The following SLC12A7 variants were observed in gnomAD, a reference collection of about 807,000 sequenced individuals.
SLC12A7 encodes the protein K-Cl cotransporter 4.
Under a neutral mutation model 120.6 loss-of-function variants are expected in SLC12A7, and 100 were observed. The ratio of observed to expected loss-of-function variants is 0.83; its 90% CI spans 0.71 to 0.98. SLC12A7 has a LOEUF of 0.98. Among genes scored for constraint, SLC12A7 ranks in the 50% least tolerant of loss-of-function variants. The pLI is 0.00. For missense variants in SLC12A7, 1,373 were observed against 1,548.1 expected (o/e 0.89, Z 1.90); for synonymous variants, 760 against 678.0 (o/e 1.12, Z -1.88).
At position 1,052,004 on chromosome 5, in the gene SLC12A7, C is replaced by A. The variant is rs963779982; in HGVS notation, c.*356G>T. The A allele has an allele frequency of 5.8e-5, 18 of 307,934 alleles. 1 individual carries two copies. The highest frequency in any genetic ancestry group is 6.0e-5 in the Non-Finnish European group (10 of 166,106). 19.1% of individuals were successfully genotyped at this position (307,934 alleles called of 1,614,324 possible). A position where few individuals can be genotyped will look rare whatever the true frequency, so the allele number is the denominator to read the frequency against. ...TGGATGGGGTAGAAATGCAACCTAA[C>A]CACTGGGTAAATCCAGCCAAGGAAA... On this transcript the variant is annotated 3_prime_UTR_variant, in exon 24 of 24. Coordinates refer to ENST00000264930, the MANE Select transcript of SLC12A7 (RefSeq NM_006598.3).
chr5:1,057,184 A>C, intron 22 of SLC12A7: 1 of 402,030 alleles, frequency 2.5e-6, no homozygotes, highest in Non-Finnish European at 4.4e-6. Flanking sequence ...AGCGCTTGGC[A>C]CTAGAAGGAC....
chr5:1,150,804 G>A, the SLC12A7 span, among the ~76,000 whole-genome samples: 6 of 152,230 alleles, frequency 3.9e-5, no homozygotes, highest in East Asian at 3.9e-4. Flanking sequence ...AGCCTGCCCC[G>A]TGGGGCTGGC....
chr5:1,052,347 A>C lies in SLC12A7; in HGVS notation c.*13T>G. On this transcript the variant is annotated 3_prime_UTR_variant, in exon 24 of 24. Coordinates refer to ENST00000264930, the MANE Select transcript of SLC12A7 (RefSeq NM_006598.3). ...TCCGTGCCTGTCCCAGAGTGCCGTG[A>C]TGCTGTTGGGCATTAGGAGTAGATG... 1.2e-6 allele frequency: 2 copies of C among 1,609,718 alleles called. No homozygotes were observed. The highest frequency in any genetic ancestry group is 3.3e-5 in the Admixed American group (2 of 60,000).
At chr5:1,099,874 G>A (rs1371649326) in intron 1 of SLC12A7, among the ~76,000 whole-genome samples, 1 of 152,224 alleles carries the variant, frequency 6.6e-6, no homozygotes, top group Non-Finnish European at 1.5e-5. Flanking sequence ...CCTCCGGCGG[G>A]TGTACGGGGC....
At chr5:1,080,468 C>T (rs1026540619) in intron 9 of SLC12A7, among the ~76,000 whole-genome samples, 1 of 152,240 alleles carries the variant, frequency 6.6e-6, no homozygotes, top group African/African-American at 2.4e-5. Context: ...GAGAAGCCAG[C>T]GCTGTGGCCA....
the SLC12A7 span, among the ~76,000 whole-genome samples, chr5:1,127,613 ACT>A: frequency 6.6e-6 from 1 of 152,350 alleles, no homozygotes; most frequent in South Asian, 2.1e-4. Context: ...ACCACAGATA[ACT>A]CTGTGATAAC....
In SLC12A7 at chr5:1,057,500, A is replaced by G. The variant is rs2241606; in HGVS notation, c.2997T>C (p.Ser999=). 1,022,150 of 1,612,428 alleles carry G rather than the reference A, an allele frequency of 0.63. 329,914 individuals are homozygous for G. Among genetic ancestry groups the G allele is most frequent in the Non-Finnish European group, 0.66 (781,622 of 1,179,630 alleles). ...EKYRSRDTSL[S]GFKDLFSMKP... The stretch of plus-strand genomic sequence containing the variant: ...TCATGCTGAAGAGGTCTTTGAAACC[A>G]GATAGGCTGGTGTCTCTGCTCCTGT... Residue 999 remains serine (S), a synonymous_variant, in exon 22 of 24, where the codon TCT becomes TCC. Transcript: ENST00000264930.
At chr5:1,124,341 G>A in the SLC12A7 span, among the ~76,000 whole-genome samples, 3 of 152,208 alleles carry the variant, frequency 2.0e-5, no homozygotes, top group Non-Finnish European at 2.9e-5. Context: ...CAGCTCCAGC[G>A]CCTGGTCATG....
chr5:1,061,861 C>T (rs1022624269), intron 20 of SLC12A7, among the ~76,000 whole-genome samples: 3 of 152,034 alleles, frequency 2.0e-5, no homozygotes, highest in African/African-American at 7.3e-5. Flanking sequence ...ACTCAGGAGG[C>T]TGAGGCAGGA....
At chr5:1,146,794 C>T in the SLC12A7 span, among the ~76,000 whole-genome samples, 4 of 152,308 alleles carry the variant, frequency 2.6e-5, no homozygotes, top group South Asian at 8.3e-4. This position sits in a 1 kb window ranked among gnomAD's most constrained non-coding sequence, Gnocchi z 6.5. Context: ...GATAGTAACT[C>T]CCAAACAATT....
chr5:1,123,126 C>T, the SLC12A7 span, among the ~76,000 whole-genome samples: 4 of 152,208 alleles, frequency 2.6e-5, no homozygotes, highest in Admixed American at 6.5e-5. Context: ...AGGGCACGCT[C>T]GGGCTCCCGG....
At chr5:1,130,458 C>T in the SLC12A7 span, among the ~76,000 whole-genome samples, 1 of 152,158 alleles carries the variant, frequency 6.6e-6, no homozygotes, top group Non-Finnish European at 1.5e-5. Context: ...CCGCCCCCAC[C>T]CCACCCCAGG....
the SLC12A7 span, among the ~76,000 whole-genome samples, chr5:1,138,158 G>A: frequency 6.6e-5 from 10 of 152,108 alleles, no homozygotes; most frequent in Non-Finnish European, 1.3e-4. Flanking sequence ...GACCCAAAGA[G>A]TGAGCAGCAG....
At chr5:1,134,128 TC>T in the SLC12A7 span, among the ~76,000 whole-genome samples, 4 of 152,182 alleles carry the variant, frequency 2.6e-5, no homozygotes, top group African/African-American at 4.8e-5. Context: ...TGGGTGGCTC[TC>T]CCAGCTCCAG....
intron 6 of SLC12A7, 53 bp from the exon 7 acceptor site, chr5:1,085,526 C>G: frequency 2.0e-6 from 3 of 1,512,706 alleles, no homozygotes; most frequent in East Asian, 4.9e-5. Context: ...CTCCCCAGTG[C>G]CCGTCCCTCC....
At chr5:1,144,925 G>T in the SLC12A7 span, among the ~76,000 whole-genome samples, 2 of 152,258 alleles carry the variant, frequency 1.3e-5, no homozygotes, top group African/African-American at 2.4e-5. Context: ...TGGCTGATTC[G>T]GAACGTCCTG....
chr5:1,079,629 C>T (rs1411639075), intron 9 of SLC12A7, 133 bp from the exon 10 acceptor site: 2 of 712,632 alleles, frequency 2.8e-6, no homozygotes, highest in East Asian at 2.5e-5. Flanking sequence ...GGCTGCAGTC[C>T]AAGCTCCGCC....
At chr5:1,085,630 G>A (rs1219264500) in intron 6 of SLC12A7, among the ~76,000 whole-genome samples, 157 bp from the exon 7 acceptor site, 3 of 148,280 alleles carry the variant, frequency 2.0e-5, no homozygotes, top group East Asian at 3.9e-4. Context: ...GGGGGTCAGC[G>A]CACAGGCAAG....
chr5:1,129,766 G>T, the SLC12A7 span, among the ~76,000 whole-genome samples: 2 of 152,238 alleles, frequency 1.3e-5, no homozygotes, highest in Admixed American at 1.3e-4. Flanking sequence ...AGGAAGAAAA[G>T]ATCCCGGCTG....
Sources: allele counts gnomAD v4.1 joint callset (sites outside exome capture counted in the v4.1 genomes callset), GRCh38; gene constraint gnomAD v4.1.1; non-coding constraint Gnocchi (gnomAD v3.1); transcripts MANE v1.5; gene names NCBI Gene and HGNC (gene_info 2026-07-23, HGNC 2026-07-21).